The following TP53BP1 variants were observed in gnomAD, a reference collection of about 807,000 sequenced individuals.
TP53BP1 encodes tumor protein p53 binding protein 1, also known as TP53-binding protein 1.
TP53BP1 carries 61 observed loss-of-function variants against 200.8 expected under a neutral mutation model. The ratio of observed to expected loss-of-function variants is 0.30; its 90% CI spans 0.25 to 0.38. The LOEUF (loss-of-function observed/expected upper bound fraction) is 0.38, where lower values mean the gene tolerates loss of function less well. Ranked by LOEUF, TP53BP1 falls within the 10% of genes least tolerant of loss-of-function variation. The pLI is 1.00. For synonymous variants in TP53BP1, 822 were observed against 844.3 expected, an observed-to-expected ratio of 0.97 and a Z score of 0.46; for missense variants, 2,144 against 2,371.9, an observed-to-expected ratio of 0.90 and a Z score of 2.00.
At chr15:43,505,218 T>A (rs28379460) in intron 1 of TP53BP1, among the ~76,000 whole-genome samples, 4,442 of 152,188 alleles carry the variant, frequency 0.029, 139 homozygotes, top group Admixed American at 0.09. Context: ...TGAAAGGAAA[T>A]AACTCCATTC....
chr15:43,484,107 C>T (rs923875171), intron 4 of TP53BP1, among the ~76,000 whole-genome samples: 2 of 152,192 alleles, frequency 1.3e-5, no homozygotes, highest in African/African-American at 4.8e-5. Context: ...ACTGAACTTC[C>T]CCTCCTGCAG....
chr15:43,482,497 G>A (rs1445526721), intron 4 of TP53BP1, among the ~76,000 whole-genome samples: 1 of 151,972 alleles, frequency 6.6e-6, no homozygotes, highest in Middle Eastern at 3.4e-3. Context: ...GGCTGGGCGC[G>A]GTGGCTCATG....
intron 14 of TP53BP1, among the ~76,000 whole-genome samples, chr15:43,443,172 A>C (rs1321485109): frequency 5.9e-5 from 9 of 152,250 alleles, no homozygotes; most frequent in Non-Finnish European, 4.4e-5. Flanking sequence ...ATCCAAATTC[A>C]TCTCTGCCCA....
intron 11 of TP53BP1, among the ~76,000 whole-genome samples, chr15:43,467,013 T>A (rs1159476735): frequency 6.6e-6 from 1 of 152,142 alleles, no homozygotes; most frequent in Admixed American, 6.6e-5. Flanking sequence ...ACATGCTTAT[T>A]AAGTAAAATC....
intron 16 of TP53BP1, among the ~76,000 whole-genome samples, chr15:43,435,267 C>CAAAAAAAAA (rs377275791): frequency 9.0e-5 from 5 of 55,672 alleles, no homozygotes; most frequent in African/African-American, 2.5e-4. Flanking sequence ...GACCCCATCT[C>CAAAAAAAAA]AAAAAAAAAA....
intron 1 of TP53BP1, among the ~76,000 whole-genome samples, 195 bp from the exon 2 acceptor site, chr15:43,492,663 T>A (rs1394162418): frequency 6.6e-6 from 1 of 152,128 alleles, no homozygotes; most frequent in Non-Finnish European, 1.5e-5. Flanking sequence ...TTCCTCGTTA[T>A]TTACAATAAG....
Position 43,404,230 on chromosome 15 carries a change from T to G in TP53BP1, c.*3153A>C. The G allele has an allele frequency of 1.6e-6, 1 of 628,024 alleles. No homozygotes were observed. Among genetic ancestry groups the G allele is most frequent in the Non-Finnish European group, 2.7e-6 (1 of 369,516 alleles). The allele number at this position is 628,024 out of a possible 1,614,324, so 38.9% of individuals were successfully genotyped here. On this transcript the variant is annotated 3_prime_UTR_variant, in exon 28 of 28. Transcript: ENST00000382044. ...GAAAGAGTACTTTCATAGGAAGTCA[T>G]GCATGTATGGATTTGGTACAAGTCA...
intron 10 of TP53BP1, among the ~76,000 whole-genome samples, chr15:43,470,714 C>T (rs1250816022): frequency 6.6e-6 from 1 of 152,164 alleles, no homozygotes; most frequent in Non-Finnish European, 1.5e-5. Context: ...GTATACTACC[C>T]ACCTGTAGGC....
At chr15:43,417,522 C>A (rs1348204665) in intron 21 of TP53BP1, among the ~76,000 whole-genome samples, 1 of 152,202 alleles carries the variant, frequency 6.6e-6, no homozygotes, top group Non-Finnish European at 1.5e-5. Flanking sequence ...TGAAGAGCTA[C>A]TAGAACTAGA....
At chr15:43,481,755 C>T (rs1368440082) in intron 4 of TP53BP1, among the ~76,000 whole-genome samples, 1 of 148,726 alleles carries the variant, frequency 6.7e-6, no homozygotes, top group African/African-American at 2.5e-5. Context: ...GCGGAGGTTG[C>T]AGTGAGCCGA....
At chr15:43,410,563 AAAAGAAAAG>A (rs2045084536) in intron 24 of TP53BP1, among the ~76,000 whole-genome samples, 1 of 148,740 alleles carries the variant, frequency 6.7e-6, no homozygotes, top group East Asian at 2.2e-4. Flanking sequence ...ATTAAAAAAA[AAAAGAAAAG>A]AAAAGCAAGA....
chr15:43,431,160 T>C (rs946468784), intron 17 of TP53BP1, among the ~76,000 whole-genome samples: 4 of 152,300 alleles, frequency 2.6e-5, no homozygotes, highest in Admixed American at 2.6e-4. Flanking sequence ...CAGCACTTTA[T>C]CACATTACTC....
At chr15:43,480,140 A>C in intron 5 of TP53BP1, 123 bp from the exon 6 acceptor site, 1 of 837,774 alleles carries the variant, frequency 1.2e-6, no homozygotes, top group East Asian at 2.7e-5. Context: ...GCACCCCCCA[A>C]ATTTTTCAAA....
chr15:43,466,346 T>C (rs2046580656), intron 11 of TP53BP1, among the ~76,000 whole-genome samples: 3 of 152,064 alleles, frequency 2.0e-5, no homozygotes, highest in Non-Finnish European at 2.9e-5. Context: ...TTTCTGACAA[T>C]TGGTGGAGAA....
chr15:43,411,752 T>C (rs957266903), intron 24 of TP53BP1, among the ~76,000 whole-genome samples: 1 of 152,244 alleles, frequency 6.6e-6, no homozygotes, highest in African/African-American at 2.4e-5. Context: ...ATTTTATTTT[T>C]ATGAGTACAG....
intron 1 of TP53BP1, among the ~76,000 whole-genome samples, chr15:43,492,702 C>T (rs2079143888): frequency 6.6e-6 from 1 of 152,070 alleles, no homozygotes; most frequent in Non-Finnish European, 1.5e-5. Flanking sequence ...TTTTTCATCA[C>T]CTTCTCGTAG....
At chr15:43,421,455 C>T (rs2045395941) in intron 19 of TP53BP1, among the ~76,000 whole-genome samples, 1 of 152,202 alleles carries the variant, frequency 6.6e-6, no homozygotes, top group Admixed American at 6.5e-5. Context: ...TATGCCTTCT[C>T]CTCTACTTTA....
At chr15:43,468,147 A>G (rs2046635676) in intron 11 of TP53BP1, among the ~76,000 whole-genome samples, 1 of 147,882 alleles carries the variant, frequency 6.8e-6, no homozygotes, top group Non-Finnish European at 1.5e-5. Flanking sequence ...CTGTTCTCAA[A>G]CTCCTAGGTT....
chr15:43,421,296 G>A, intron 19 of TP53BP1, 122 bp from the exon 20 acceptor site: 1 of 1,068,898 alleles, frequency 9.4e-7, no homozygotes, highest in East Asian at 2.5e-5. Context: ...GGGGCAGCAG[G>A]AAGCTGGTTC....
Sources: gnomAD v4.1 joint callset for allele counts (sites outside exome capture counted in the v4.1 genomes callset) on GRCh38, gnomAD v4.1.1 for gene constraint, MANE v1.5 for transcripts, NCBI Gene and HGNC (gene_info 2026-07-23, HGNC 2026-07-21) for gene names.